Variants in PCDHGA9 observed in about 807,000 individuals in gnomAD.
PCDHGA9 encodes protocadherin gamma subfamily A, 9.
A neutral mutation model predicts 62.5 loss-of-function variants in PCDHGA9; 37 were observed. The ratio of observed to expected loss-of-function variants is 0.59; its 90% CI spans 0.46 to 0.78. The LOEUF (loss-of-function observed/expected upper bound fraction) is 0.78. Among genes scored for constraint, PCDHGA9 ranks in the 30% least tolerant of loss-of-function variants. PCDHGA9 has a pLI of 0.00. For synonymous variants in PCDHGA9, 459 were observed against 484.6 expected, an observed-to-expected ratio of 0.95 and a Z score of 0.69; for missense variants, 1,138 against 1,166.2, an observed-to-expected ratio of 0.98 and a Z score of 0.35.
Position 141,426,411 on chromosome 5 carries a change from C to A in PCDHGA9, c.2424+21035C>A, listed in dbSNP as rs1561821998. 10 of 286,096 alleles carry A rather than the reference C, an allele frequency of 3.5e-5. No homozygotes were observed. In the South Asian group the frequency reaches 3.7e-4, roughly 11 times the overall value. The allele number at this position is 286,096 out of a possible 1,614,324, so 17.7% of individuals were successfully genotyped here. On this transcript the variant is annotated intron_variant, in intron 1 of 3. Coordinates refer to ENST00000573521, the MANE Select transcript of PCDHGA9 (RefSeq NM_018921.3). ...GCTACTCTATTCCAGAAGAAACGGT[C>A]CAGGGCTCCGTGGTGGGGAACCTTG... is the stretch of plus-strand genomic sequence containing the variant.
In PCDHGA9 at chr5:141,403,758, T is replaced by G; in HGVS notation, c.806T>G (p.Leu269Arg). 1 of 1,613,922 alleles carries G rather than the reference T, an allele frequency of 6.2e-7. No individual in the cohort carries two copies. The highest frequency in any genetic ancestry group is 8.5e-7 in the Non-Finnish European group (1 of 1,179,890). Reference protein sequence around the residue: ...TWLLTATASDLDEGINGKVAY... With the variant: ...TWLLTATASDRDEGINGKVAY... ...CTGCTTACTGCAACAGCCAGCGACC[T>G]GGATGAGGGAATCAACGGAAAAGTG... Residue 269 changes from leucine to arginine, a missense_variant, in exon 1 of 4, where the codon CTG (leucine) becomes CGG (arginine). Leu to Arg is a moderately radical substitution (Grantham distance 102). Coordinates refer to ENST00000573521, the MANE Select transcript of PCDHGA9 (RefSeq NM_018921.3).
At chr5:141,417,635 G>A in intron 1 of PCDHGA9, 1 of 724,902 alleles carries the variant, frequency 1.4e-6, no homozygotes, top group Non-Finnish European at 2.1e-6. Context: ...CTGACGCCGG[G>A]GATCCCTCAG....
intron 1 of PCDHGA9, chr5:141,430,744 C>T: frequency 6.7e-7 from 1 of 1,498,404 alleles, no homozygotes; most frequent in Non-Finnish European, 8.9e-7. Flanking sequence ...GAAAATAATT[C>T]TGGAGGAAGA....
At position 141,431,696 on chromosome 5, in the gene PCDHGA9, G is replaced by T; in HGVS notation, c.2424+26320G>T. ...AGGGGAGTTGGACCACGAGGAGTCA[G>T]GATTCTACCAGATGGAAGTGCAAGC... On this transcript the variant is annotated intron_variant, in intron 1 of 3. Transcript: ENST00000573521. The surrounding 1 kb of genome is among the most constrained non-coding windows in gnomAD (Gnocchi z 4.8). 6.2e-7 allele frequency: 1 copy of T among 1,614,238 alleles called. No individual in the cohort carries two copies. Among genetic ancestry groups the T allele is most frequent in the Non-Finnish European group, 8.5e-7 (1 of 1,180,038 alleles).
At position 141,402,801 on chromosome 5, in the gene PCDHGA9, G is replaced by T. The variant is rs1218765657; in HGVS notation, c.-152G>T. The T allele has an allele frequency of 1.2e-5, 13 of 1,078,506 alleles. No individual in the cohort carries two copies. Among genetic ancestry groups the T allele is most frequent in the Non-Finnish European group, 1.7e-5 (13 of 786,488 alleles). The allele number at this position is 1,078,506 out of a possible 1,614,324, so 66.8% of individuals were successfully genotyped here. A position where few individuals can be genotyped will look rare whatever the true frequency, so the allele number is the denominator to read the frequency against. On this transcript the variant is annotated 5_prime_UTR_variant, in exon 1 of 4. Transcript: ENST00000573521. ...CCAGTTCTGCGGCTACACAAAACCC[G>T]GCAGATACCACAAACCTGCTCCCAG... is the stretch of plus-strand genomic sequence containing the variant.
chr5:141,453,214 A>T (rs1174586625), intron 1 of PCDHGA9, among the ~76,000 whole-genome samples: 2 of 152,058 alleles, frequency 1.3e-5, no homozygotes, highest in African/African-American at 4.8e-5. Flanking sequence ...CGTGCACTTA[A>T]GCGATCCTCC....
chr5:141,509,346 G>A (rs946395640), intron 3 of PCDHGA9, among the ~76,000 whole-genome samples: 7 of 152,194 alleles, frequency 4.6e-5, no homozygotes, highest in Non-Finnish European at 8.8e-5. Flanking sequence ...GCCTGGGCTG[G>A]CCTGGGCATC....
chr5:141,500,554 C>A (rs2099801320), intron 2 of PCDHGA9, among the ~76,000 whole-genome samples: 1 of 152,212 alleles, frequency 6.6e-6, no homozygotes, highest in Admixed American at 6.5e-5. Context: ...AAGTTGTTCA[C>A]AAACTTGTCA....
intron 1 of PCDHGA9, chr5:141,409,665 CCTACT>C (rs753951498): frequency 6.2e-7 from 1 of 1,613,576 alleles, no homozygotes; most frequent in Admixed American, 1.7e-5. Context: ...GGCCACATCT[CCTACT>C]CTATAGTGGC....
Position 141,489,515 on chromosome 5 carries a change from G to C in PCDHGA9, c.2425-5292G>C, listed in dbSNP as rs983415025. On this transcript the variant is annotated intron_variant, in intron 1 of 3. Coordinates refer to ENST00000573521, the MANE Select transcript of PCDHGA9 (RefSeq NM_018921.3). The surrounding 1 kb of genome is among the most constrained non-coding windows in gnomAD (Gnocchi z 4.5). ...CTGGCAGTGAATCAAAAGATTGACC[G>C]AGAAAGCCTATGTGGAGCCAGCACC... 1 of 1,614,104 alleles carries C rather than the reference G, an allele frequency of 6.2e-7. No individual in the cohort carries two copies. The highest frequency in any genetic ancestry group is 8.5e-7 in the Non-Finnish European group (1 of 1,180,034).
intron 1 of PCDHGA9, chr5:141,421,788 G>T: frequency 6.2e-7 from 1 of 1,613,800 alleles, no homozygotes; most frequent in Non-Finnish European, 8.5e-7. Flanking sequence ...GGGGCAGAAC[G>T]GATGGGGCCA....
At chr5:141,456,259 C>T (rs1456888951) in intron 1 of PCDHGA9, among the ~76,000 whole-genome samples, 1 of 152,122 alleles carries the variant, frequency 6.6e-6, no homozygotes, top group Non-Finnish European at 1.5e-5. Flanking sequence ...GCGACCATTG[C>T]TTCTGGCTAC....
At chr5:141,409,429 C>T (rs767514268) in intron 1 of PCDHGA9, 3 of 1,613,872 alleles carry the variant, frequency 1.9e-6, no homozygotes, top group African/African-American at 1.3e-5. Flanking sequence ...CAGATGGAGC[C>T]CTGGACCGAG....
chr5:141,491,560 T>C lies in PCDHGA9; in HGVS notation c.2425-3247T>C. 1 of 1,613,986 alleles carries C rather than the reference T, an allele frequency of 6.2e-7. No homozygotes were observed. Among genetic ancestry groups the C allele is most frequent in the Non-Finnish European group, 8.5e-7 (1 of 1,180,026 alleles). ...GCCCACAGACTCGCAGAGCCACTGCTACAGGACGTGCTTTTCACCGGCCTC... is the reference window on the plus strand; with the variant it reads ...GCCCACAGACTCGCAGAGCCACTGCCACAGGACGTGCTTTTCACCGGCCTC... On this transcript the variant is annotated intron_variant, in intron 1 of 3. Coordinates refer to ENST00000573521, the MANE Select transcript of PCDHGA9 (RefSeq NM_018921.3). This position sits in a 1 kb window ranked among gnomAD's most constrained non-coding sequence, Gnocchi z 6.9.
In PCDHGA9 at chr5:141,430,950, T is replaced by A. The variant is rs756423770; in HGVS notation, c.2424+25574T>A. 7 of 1,609,862 alleles carry A rather than the reference T, an allele frequency of 4.3e-6. No individual in the cohort carries two copies. Among genetic ancestry groups the A allele is most frequent in the Non-Finnish European group, 5.1e-6 (6 of 1,178,368 alleles). On this transcript the variant is annotated intron_variant, in intron 1 of 3. Transcript: ENST00000573521. ...CCCCGGGAGCTCGCGGAGCGCGGAG[T>A]CCGCATCATCCCCAGAGGTAGGACG... is the stretch of plus-strand genomic sequence containing the variant.
Position 141,511,451 on chromosome 5 carries a change from A to G in PCDHGA9, c.*278A>G, listed in dbSNP as rs2099883797. On this transcript the variant is annotated 3_prime_UTR_variant, in exon 4 of 4. Coordinates refer to ENST00000573521, the MANE Select transcript of PCDHGA9 (RefSeq NM_018921.3). ...GGGGTTACTGTAGACACCAAGAACC[A>G]TTTGCCACACCCCGTTTAGTTACAG... is the stretch of plus-strand genomic sequence containing the variant. The G allele has an allele frequency of 4.9e-6, 3 of 606,372 alleles. No homozygotes were observed. Among genetic ancestry groups the G allele is most frequent in the Non-Finnish European group, 8.1e-6 (3 of 368,942 alleles). The allele number at this position is 606,372 out of a possible 1,614,324, so 37.6% of individuals were successfully genotyped here.
At chr5:141,462,035 C>T (rs35674654) in intron 1 of PCDHGA9, among the ~76,000 whole-genome samples, 14,886 of 152,176 alleles carry the variant, frequency 0.098, 964 homozygotes, top group Non-Finnish European at 0.14. Context: ...GTTGGTCAGG[C>T]GGGTCTTGAA....
In PCDHGA9 at chr5:141,487,153, T is replaced by C; in HGVS notation, c.2425-7654T>C. The stretch of plus-strand genomic sequence containing the variant: ...GTCCACCACTCTCTACCTCTGTTAC[T>C]CTCTTAGTGTCCTTAGAGGAAGACA... On this transcript the variant is annotated intron_variant, in intron 1 of 3. Coordinates refer to ENST00000573521, the MANE Select transcript of PCDHGA9 (RefSeq NM_018921.3). This position sits in a 1 kb window ranked among gnomAD's most constrained non-coding sequence, Gnocchi z 5.0. 3 of 1,613,954 alleles carry C rather than the reference T, an allele frequency of 1.9e-6. No individual in the cohort carries two copies. Among genetic ancestry groups the C allele is most frequent in the Non-Finnish European group, 2.5e-6 (3 of 1,179,838 alleles).
At chr5:141,415,176 C>A in intron 1 of PCDHGA9, 2 of 1,613,934 alleles carry the variant, frequency 1.2e-6, no homozygotes, top group Non-Finnish European at 1.7e-6. Context: ...TCACCGTGGC[C>A]GTGGCCGACA....
Sources: allele counts gnomAD v4.1 joint callset (sites outside exome capture counted in the v4.1 genomes callset), GRCh38; gene constraint gnomAD v4.1.1; non-coding constraint Gnocchi (gnomAD v3.1); transcripts MANE v1.5; gene names NCBI Gene and HGNC (gene_info 2026-07-23, HGNC 2026-07-21).